TTC29: variants seen among roughly 807,000 people sequenced by gnomAD.
The protein encoded by TTC29 is tetratricopeptide repeat domain 29.
A neutral mutation model predicts 58.1 loss-of-function variants in TTC29; 49 were observed. That is an observed-to-expected ratio of 0.84 (90% CI 0.67 to 1.07). TTC29 has a LOEUF of 1.07. Ranked by LOEUF, TTC29 falls within the 50% of genes least tolerant of loss-of-function variation. TTC29 has a pLI of 0.00. For missense variants in TTC29, 582 were observed against 555.6 expected (o/e 1.05, Z -0.48); for synonymous variants, 209 against 196.8 (o/e 1.06, Z -0.52).
intron 11 of TTC29, among the ~76,000 whole-genome samples, chr4:146,711,332 T>A (rs1268069586): frequency 6.6e-6 from 1 of 152,200 alleles, no homozygotes; most frequent in Non-Finnish European, 1.5e-5. Context: ...TTTCTTCATA[T>A]GGTTTTTGCC....
chr4:146,806,169 C>T (rs771714795), intron 10 of TTC29, among the ~76,000 whole-genome samples: 21 of 152,192 alleles, frequency 1.4e-4, no homozygotes, highest in Non-Finnish European at 2.9e-4. Flanking sequence ...AAATCCTTTA[C>T]AGACAAGCAA....
chr4:146,873,942 C>T (rs1218751783), intron 7 of TTC29, among the ~76,000 whole-genome samples: 1 of 152,096 alleles, frequency 6.6e-6, no homozygotes, highest in Non-Finnish European at 1.5e-5. Context: ...ATCTTTTTCT[C>T]CTTCCTGAAA....
intron 11 of TTC29, among the ~76,000 whole-genome samples, chr4:146,737,484 T>A (rs1744791217): frequency 6.6e-6 from 1 of 151,482 alleles, no homozygotes; most frequent in Non-Finnish European, 1.5e-5. Flanking sequence ...TAAGAACTGT[T>A]CTGATTCCCA....
chr4:146,830,634 C>G (rs1728095523), intron 9 of TTC29, among the ~76,000 whole-genome samples: 2 of 152,294 alleles, frequency 1.3e-5, no homozygotes, highest in South Asian at 4.1e-4. Context: ...TCATATGCAA[C>G]TTGATTTATT....
chr4:146,813,889 C>T (rs758960897), intron 10 of TTC29, among the ~76,000 whole-genome samples: 9 of 152,138 alleles, frequency 5.9e-5, no homozygotes, highest in Non-Finnish European at 1.0e-4. Context: ...GAGGCTGAGG[C>T]AGGAGAATCA....
intron 10 of TTC29, among the ~76,000 whole-genome samples, chr4:146,818,746 A>G (rs1751608482): frequency 1.3e-5 from 2 of 152,190 alleles, no homozygotes; most frequent in African/African-American, 4.8e-5. Context: ...ATGGAATACT[A>G]TGCAGCCATA....
intron 11 of TTC29, among the ~76,000 whole-genome samples, chr4:146,778,377 C>T (rs1375583595): frequency 2.0e-5 from 3 of 151,434 alleles, no homozygotes; most frequent in Non-Finnish European, 4.4e-5. Context: ...TTTTGAAGAG[C>T]CTATTTACTT....
Position 146,840,218 on chromosome 4 carries a change from G to A in TTC29, c.886-6321C>T, listed in dbSNP as rs192674652. On this transcript the variant is annotated intron_variant, in intron 8 of 12. Coordinates refer to ENST00000325106, the MANE Select transcript of TTC29 (RefSeq NM_031956.4). ...TACCTTTGTGTTTTCTAGAAGCTCT[G>A]CAGCTTTTTCACAATGTCCCTTATC... 1.6e-3 allele frequency among the ~76,000 whole-genome samples: 229 copies of A among 142,940 alleles called. 1 individual carries two copies. Among genetic ancestry groups the A allele is most frequent in the African/African-American group, 5.7e-3 (220 of 38,634 alleles). 93.8% of individuals were successfully genotyped at this position (142,940 alleles called of 152,430 possible).
chr4:146,869,097 T>TAAAAAA (rs35029868), intron 7 of TTC29, among the ~76,000 whole-genome samples: 3 of 110,454 alleles, frequency 2.7e-5, no homozygotes, highest in Non-Finnish European at 4.1e-5. Flanking sequence ...GAGCTTTAAG[T>TAAAAAA]AAAAAAAAAA....
At chr4:146,901,848 C>T (rs1360644442) in intron 6 of TTC29, among the ~76,000 whole-genome samples, 1 of 152,080 alleles carries the variant, frequency 6.6e-6, no homozygotes, top group Admixed American at 6.5e-5. Context: ...ATTGTTAAGA[C>T]CTGGTTTTCC....
intron 4 of TTC29, among the ~76,000 whole-genome samples, chr4:146,927,089 A>AAAAG (rs1213112677): frequency 1.3e-5 from 2 of 151,652 alleles, no homozygotes; most frequent in African/African-American, 2.4e-5. Context: ...TCAAAAAAAA[A>AAAAG]AAAAAGAAAA....
chr4:146,845,552 G>A (rs753287461), intron 8 of TTC29, among the ~76,000 whole-genome samples: 3 of 152,086 alleles, frequency 2.0e-5, no homozygotes, highest in Non-Finnish European at 4.4e-5. Flanking sequence ...AGATGGTGGT[G>A]GCAAACTGAA....
chr4:146,758,448 C>A (rs1746619238), intron 11 of TTC29, among the ~76,000 whole-genome samples: 5 of 152,118 alleles, frequency 3.3e-5, no homozygotes, highest in Admixed American at 3.3e-4. Context: ...AGAAATTTAA[C>A]AAAGAAGCAA....
At chr4:146,711,400 C>G (rs1435979388) in intron 11 of TTC29, among the ~76,000 whole-genome samples, 3 of 152,094 alleles carry the variant, frequency 2.0e-5, no homozygotes, top group African/African-American at 7.2e-5. Context: ...ATAGTCATCA[C>G]AGAGGTTGAT....
At chr4:146,793,712 A>G (rs1749635047) in intron 11 of TTC29, among the ~76,000 whole-genome samples, 1 of 152,118 alleles carries the variant, frequency 6.6e-6, no homozygotes, top group Non-Finnish European at 1.5e-5. Flanking sequence ...GAAAAGCAAT[A>G]GGTTGGTTTT....
intron 6 of TTC29, among the ~76,000 whole-genome samples, chr4:146,880,466 A>G (rs1326906173): frequency 1.3e-5 from 2 of 152,178 alleles, no homozygotes; most frequent in Non-Finnish European, 2.9e-5. Flanking sequence ...AATGTTGTAA[A>G]CTGCAAAATG....
chr4:146,731,734 A>T (rs1488213791), intron 11 of TTC29, among the ~76,000 whole-genome samples: 1 of 152,208 alleles, frequency 6.6e-6, no homozygotes, highest in Admixed American at 6.5e-5. Context: ...AGGATTAGAG[A>T]TTATCAACAT....
intron 11 of TTC29, among the ~76,000 whole-genome samples, chr4:146,745,001 A>G (rs183876037): frequency 6.0e-4 from 91 of 152,360 alleles, no homozygotes; most frequent in African/African-American, 2.1e-3. Context: ...TTCATCATCA[A>G]TAGTCCACTT....
chr4:146,807,977 G>T (rs1750731560), intron 10 of TTC29, among the ~76,000 whole-genome samples: 1 of 152,098 alleles, frequency 6.6e-6, no homozygotes, highest in Admixed American at 6.5e-5. Context: ...GAACATTGAT[G>T]CAAAAATCCT....
Sources: gnomAD v4.1 joint callset for allele counts (sites outside exome capture counted in the v4.1 genomes callset) on GRCh38, gnomAD v4.1.1 for gene constraint, MANE v1.5 for transcripts, NCBI Gene and HGNC (gene_info 2026-07-23, HGNC 2026-07-21) for gene names.